Variants in CADM2 observed in about 807,000 individuals in gnomAD.
CADM2 encodes the protein cell adhesion molecule 2.
Under a neutral mutation model 49.8 loss-of-function variants are expected in CADM2, and 12 were observed. The ratio of observed to expected loss-of-function variants is 0.24; its 90% CI spans 0.15 to 0.39. CADM2 has a LOEUF of 0.39. CADM2 is among the 10% of genes least tolerant of loss of function. The pLI, the probability that CADM2 is intolerant of heterozygous loss-of-function variation, is 1.00. For missense variants in CADM2, 378 were observed against 492.3 expected (o/e 0.77, Z 2.20); for synonymous variants, 214 against 175.4 (o/e 1.22, Z -1.74).
intron 3 of CADM2, 150 bp from the exon 4 acceptor site, chr3:85,883,141 T>G: frequency 1.6e-6 from 1 of 608,834 alleles, no homozygotes; most frequent in Non-Finnish European, 2.6e-6. Context: ...TTTCAATATA[T>G]TTAAACTTTC....
At chr3:85,515,924 T>C in intron 1 of CADM2, among the ~76,000 whole-genome samples, 1 of 152,204 alleles carries the variant, frequency 6.6e-6, no homozygotes, top group African/African-American at 2.4e-5. Context: ...TTAGCCTTTG[T>C]GTTTGTGTAA....
At chr3:85,058,584 G>A (rs1284002400) in intron 1 of CADM2, among the ~76,000 whole-genome samples, 1 of 151,880 alleles carries the variant, frequency 6.6e-6, no homozygotes, top group Non-Finnish European at 1.5e-5. Flanking sequence ...AGCTGGGATT[G>A]CAGGCATGAG....
At chr3:85,961,291 T>A (rs933826042) in intron 7 of CADM2, among the ~76,000 whole-genome samples, 178 bp from the exon 8 acceptor site, 13 of 151,788 alleles carry the variant, frequency 8.6e-5, no homozygotes, top group Non-Finnish European at 1.8e-4. Context: ...GCAGATTATA[T>A]TTGCTATACC....
In CADM2 at chr3:85,750,951, TA is replaced by T. The variant is rs554243776; in HGVS notation, c.88+24404del. On this transcript the variant is annotated intron_variant, in intron 2 of 9. Coordinates refer to ENST00000383699, the MANE Select transcript of CADM2 (RefSeq NM_001167675.2). ...TTGGAAGCCTCATTACAAAATTACA[TA>T]TAATATAGGCATTAGATTTAGAATT... Among the ~76,000 whole-genome samples, 174 of 152,224 alleles carry T rather than the reference TA, an allele frequency of 1.1e-3. 1 individual carries two copies. The highest frequency in any genetic ancestry group is 3.9e-3 in the African/African-American group (163 of 41,554).
chr3:85,168,264 AG>A (rs2040524498), intron 1 of CADM2, among the ~76,000 whole-genome samples: 1 of 152,042 alleles, frequency 6.6e-6, no homozygotes, highest in Admixed American at 6.6e-5. Flanking sequence ...CATGTTGGCC[AG>A]GCTGCTCTCA....
intron 3 of CADM2, among the ~76,000 whole-genome samples, chr3:85,846,704 A>T (rs1321509929): frequency 1.3e-5 from 2 of 151,956 alleles, no homozygotes; most frequent in Non-Finnish European, 2.9e-5. Context: ...CTCTCTACAG[A>T]TTAAAAAAAT....
chr3:85,115,672 A>G (rs891040241), intron 1 of CADM2, among the ~76,000 whole-genome samples: 1 of 152,310 alleles, frequency 6.6e-6, no homozygotes, highest in Non-Finnish European at 1.5e-5. Context: ...AAATTTTATT[A>G]TGTCAAGGTA....
chr3:85,403,431 T>C (rs1426470212), intron 1 of CADM2, among the ~76,000 whole-genome samples: 3 of 152,146 alleles, frequency 2.0e-5, no homozygotes, highest in African/African-American at 7.2e-5. Context: ...CGTATGCTTG[T>C]ATATGTGTTC....
intron 1 of CADM2, among the ~76,000 whole-genome samples, chr3:85,595,567 A>G (rs921074490): frequency 6.6e-6 from 1 of 152,038 alleles, no homozygotes; most frequent in African/African-American, 2.4e-5. Context: ...AGTATTACTT[A>G]GAATTCTTAA....
chr3:85,131,580 T>A (rs1166062425), intron 1 of CADM2, among the ~76,000 whole-genome samples: 1 of 152,152 alleles, frequency 6.6e-6, no homozygotes, highest in Non-Finnish European at 1.5e-5. Context: ...ATGGAATGGA[T>A]ACTATATAGC....
intron 1 of CADM2, among the ~76,000 whole-genome samples, chr3:85,613,786 A>G (rs1313093997): frequency 6.6e-6 from 1 of 151,698 alleles, no homozygotes; most frequent in Admixed American, 6.6e-5. Flanking sequence ...CATTTTTATT[A>G]ATATCAGAAA....
chr3:85,540,629 G>C (rs2061516684), intron 1 of CADM2, among the ~76,000 whole-genome samples: 1 of 152,098 alleles, frequency 6.6e-6, no homozygotes. Context: ...GAAATGTAAA[G>C]ATTAATCTCA....
intron 1 of CADM2, among the ~76,000 whole-genome samples, chr3:85,238,488 A>G (rs2042458186): frequency 6.6e-6 from 1 of 151,934 alleles, no homozygotes; most frequent in Admixed American, 6.6e-5. Context: ...AGAGGTTAGA[A>G]AAGTAAAGAT....
rs982340115 is a variant in CADM2, at chr3:85,909,368, T to C, written c.530-3005T>C. Among the ~76,000 whole-genome samples, 36 of 150,468 alleles carry C rather than the reference T, an allele frequency of 2.4e-4. 1 individual carries two copies. The highest frequency in any genetic ancestry group is 7.7e-4 in the African/African-American group (32 of 41,298). On this transcript the variant is annotated intron_variant, in intron 5 of 9. Transcript: ENST00000383699. ...TTTCATTAACACATTATGTAATATA[T>C]AGGACGTGCATATTTTGAAAAATGT...
At chr3:85,959,146 A>ATCTCTC (rs1157977118) in intron 7 of CADM2, among the ~76,000 whole-genome samples, 10 of 71,944 alleles carry the variant, frequency 1.4e-4, no homozygotes, top group African/African-American at 7.3e-4. Flanking sequence ...ATCTTTATCT[A>ATCTCTC]TCTATCTCTC....
intron 1 of CADM2, among the ~76,000 whole-genome samples, chr3:85,548,891 A>G (rs2061732588): frequency 6.6e-6 from 1 of 152,186 alleles, no homozygotes; most frequent in Non-Finnish European, 1.5e-5. Context: ...AAAGTAGGTC[A>G]TGTCATACAT....
chr3:85,500,577 G>T lies in CADM2; in HGVS notation c.62-225945G>T, dbSNP rs2040075471. Among the ~76,000 whole-genome samples the T allele has an allele frequency of 2.6e-5, 4 of 151,650 alleles. No individual in the cohort carries two copies. In the South Asian group the frequency reaches 8.3e-4, roughly 32 times the overall value. ...CTGTTGGCCAGGGTGGAGTGCAGTGGCATGATCTCAGCTCACTGCAAGCTC... is the reference window on the plus strand; with the variant it reads ...CTGTTGGCCAGGGTGGAGTGCAGTGTCATGATCTCAGCTCACTGCAAGCTC... On this transcript the variant is annotated intron_variant, in intron 1 of 9. Coordinates refer to ENST00000383699, the MANE Select transcript of CADM2 (RefSeq NM_001167675.2).
At chr3:85,916,627 A>T (rs1287844823) in intron 6 of CADM2, among the ~76,000 whole-genome samples, 5 of 152,048 alleles carry the variant, frequency 3.3e-5, no homozygotes, top group Admixed American at 6.6e-5. Context: ...TGCCTCAATA[A>T]ACATACGTGT....
At chr3:85,528,656 C>T (rs1282055553) in intron 1 of CADM2, among the ~76,000 whole-genome samples, 1 of 152,164 alleles carries the variant, frequency 6.6e-6, no homozygotes, top group Non-Finnish European at 1.5e-5. Flanking sequence ...AATACTAATA[C>T]TGTTACTATT....
Sources: allele counts gnomAD v4.1 joint callset (sites outside exome capture counted in the v4.1 genomes callset), GRCh38; gene constraint gnomAD v4.1.1; transcripts MANE v1.5; gene names NCBI Gene and HGNC (gene_info 2026-07-23, HGNC 2026-07-21).